The following CECR2 variants were observed in gnomAD, a reference collection of about 807,000 sequenced individuals.
CECR2 encodes chromatin remodeling regulator CECR2.
In CECR2, 30 loss-of-function variants were observed where a neutral mutation model predicts 154.5. The ratio of observed to expected loss-of-function variants is 0.19; its 90% CI spans 0.15 to 0.26. The LOEUF (loss-of-function observed/expected upper bound fraction) is 0.26, where lower values mean the gene tolerates loss of function less well. Among genes scored for constraint, CECR2 ranks in the 10% least tolerant of loss-of-function variants. The pLI, the probability that CECR2 is intolerant of heterozygous loss-of-function variation, is 1.00. For synonymous variants in CECR2, 725 were observed against 683.7 expected (o/e 1.06, Z -0.94); for missense variants, 1,743 against 1,829.3 (o/e 0.95, Z 0.86).
At chr22:17,363,233 T>A (rs2062985916) in intron 1 of CECR2, among the ~76,000 whole-genome samples, 1 of 150,066 alleles carries the variant, frequency 6.7e-6, no homozygotes, top group African/African-American at 2.4e-5. Flanking sequence ...TTTTTTTGAG[T>A]TGGGGTCTCG....
chr22:17,422,888 T>C (rs2054277849), intron 1 of CECR2, among the ~76,000 whole-genome samples: 1 of 152,144 alleles, frequency 6.6e-6, no homozygotes, highest in Admixed American at 6.6e-5. Flanking sequence ...ATCTCCCTGC[T>C]CATGCTGCCC....
intron 1 of CECR2, among the ~76,000 whole-genome samples, chr22:17,416,884 T>C (rs2054163341): frequency 6.6e-6 from 1 of 152,202 alleles, no homozygotes; most frequent in South Asian, 2.1e-4. Flanking sequence ...TTTCTCTTTC[T>C]AAATAAATAA....
At chr22:17,551,939 G>T in intron 17 of CECR2, 92 bp from the exon 18 acceptor site, 1 of 1,188,672 alleles carries the variant, frequency 8.4e-7, no homozygotes. Context: ...CCGGGGTGAT[G>T]AAGGCAGTAC....
intron 1 of CECR2, among the ~76,000 whole-genome samples, chr22:17,377,030 A>G (rs942009460): frequency 6.6e-6 from 1 of 152,184 alleles, no homozygotes; most frequent in African/African-American, 2.4e-5. Flanking sequence ...TGTGGGTTTC[A>G]GGTGCCCCAT....
At chr22:17,401,957 G>A (rs562817821) in intron 1 of CECR2, among the ~76,000 whole-genome samples, 2 of 151,936 alleles carry the variant, frequency 1.3e-5, no homozygotes, top group Admixed American at 6.6e-5. Context: ...GGGGCTACAG[G>A]TGCTCAATAC....
intron 9 of CECR2, among the ~76,000 whole-genome samples, chr22:17,536,893 G>A (rs1350102804): frequency 3.3e-5 from 5 of 152,100 alleles, no homozygotes. Flanking sequence ...TGTGAGTGAG[G>A]AAACAGGTTC....
chr22:17,418,978 C>T (rs1331476899), intron 1 of CECR2: 4 of 200,570 alleles, frequency 2.0e-5, no homozygotes, highest in South Asian at 6.9e-5. Flanking sequence ...GGCCCCGCCT[C>T]GCCTCAGGGG....
intron 16 of CECR2, among the ~76,000 whole-genome samples, chr22:17,544,015 C>T (rs1055355742): frequency 6.6e-6 from 1 of 152,208 alleles, no homozygotes; most frequent in Admixed American, 6.5e-5. Flanking sequence ...CCCAGACAGA[C>T]TAGATCCAGC....
intron 9 of CECR2, among the ~76,000 whole-genome samples, chr22:17,528,069 G>T (rs1276182894): frequency 6.6e-6 from 1 of 152,168 alleles, no homozygotes; most frequent in East Asian, 1.9e-4. Flanking sequence ...ACACCCAAAA[G>T]AAAGGAAATC....
intron 1 of CECR2, among the ~76,000 whole-genome samples, chr22:17,472,468 G>A (rs1160162970): frequency 6.6e-6 from 1 of 152,192 alleles, no homozygotes; most frequent in African/African-American, 2.4e-5. Context: ...GTCCTATACA[G>A]AAGATCTCTG....
intron 1 of CECR2, among the ~76,000 whole-genome samples, chr22:17,427,955 C>T (rs1057272403): frequency 3.9e-5 from 6 of 152,142 alleles, no homozygotes; most frequent in East Asian, 1.9e-4. Flanking sequence ...GGTGTAAAAG[C>T]TTTCCTATTT....
chr22:17,521,665 G>A (rs990151401), intron 8 of CECR2, among the ~76,000 whole-genome samples: 1 of 152,126 alleles, frequency 6.6e-6, no homozygotes, highest in Non-Finnish European at 1.5e-5. Flanking sequence ...TTTGTCAGAT[G>A]AGTAGATTGT....
chr22:17,372,495 G>C (rs1388974869), intron 1 of CECR2, among the ~76,000 whole-genome samples: 1 of 151,996 alleles, frequency 6.6e-6, no homozygotes, highest in African/African-American at 2.4e-5. Context: ...ATGAAACCCC[G>C]TTTCTACTAA....
chr22:17,539,752 A>G (rs1241841382), intron 13 of CECR2, among the ~76,000 whole-genome samples: 1 of 152,190 alleles, frequency 6.6e-6, no homozygotes, highest in African/African-American at 2.4e-5. Flanking sequence ...TGCCCTGCTT[A>G]AAAACAGCAG....
Position 17,369,605 on chromosome 22 carries a change from C to T in CECR2, c.-179C>T, listed in dbSNP as rs1189854144. The T allele has an allele frequency of 6.8e-6, 1 of 146,910 alleles. No homozygotes were observed. Among genetic ancestry groups the T allele is most frequent in the Non-Finnish European group, 1.5e-5 (1 of 65,890 alleles). 9.1% of individuals were successfully genotyped at this position (146,910 alleles called of 1,614,324 possible). On this transcript the variant is annotated 5_prime_UTR_variant, in exon 1 of 19. Transcript: ENST00000262608. ...TAGTTCGGGCCCCCGCGCCGCCGCCCCCCGCCCGGCGCCCGCCCTCGGCTC... is the reference window on the plus strand; with the variant it reads ...TAGTTCGGGCCCCCGCGCCGCCGCCTCCCGCCCGGCGCCCGCCCTCGGCTC...
At chr22:17,433,403 A>G (rs12160338) in intron 1 of CECR2, among the ~76,000 whole-genome samples, 12,115 of 152,192 alleles carry the variant, frequency 0.08, 1,020 homozygotes, top group African/African-American at 0.22. Flanking sequence ...TAAAATTAAC[A>G]TTTTAGAGTT....
intron 2 of CECR2, 47 bp from the exon 3 acceptor site, chr22:17,497,356 C>A: frequency 6.5e-7 from 1 of 1,533,884 alleles, no homozygotes; most frequent in South Asian, 1.2e-5. Flanking sequence ...TCCCAACCAA[C>A]CTATATTTTA....
At chr22:17,373,086 G>A (rs1481235135) in intron 1 of CECR2, among the ~76,000 whole-genome samples, 1 of 151,866 alleles carries the variant, frequency 6.6e-6, no homozygotes, top group Non-Finnish European at 1.5e-5. Context: ...TTTCTGAGAC[G>A]GAGTCTCACT....
rs149737237 is a variant in CECR2 at position 17,381,051 on chromosome 22, A to G, written c.126+11142A>G. 3.0e-3 allele frequency among the ~76,000 whole-genome samples: 362 copies of G among 119,992 alleles called. 1 individual carries two copies. The highest frequency in any genetic ancestry group is 0.01 in the African/African-American group (311 of 30,548). The allele number at this position is 119,992 out of a possible 152,430, so 78.7% of individuals were successfully genotyped here. On this transcript the variant is annotated intron_variant, in intron 1 of 18. Coordinates refer to ENST00000262608, the MANE Select transcript of CECR2 (RefSeq NM_001290047.2). Reference sequence around the variant, plus strand: ...TTTTAGGTGTGGGGACAATTTTTATAGCAGAGGCCTGGAGTTCTTTGTTCA... The same window carrying G: ...TTTTAGGTGTGGGGACAATTTTTATGGCAGAGGCCTGGAGTTCTTTGTTCA...
Sources: gnomAD v4.1 joint callset for allele counts (sites outside exome capture counted in the v4.1 genomes callset) on GRCh38, gnomAD v4.1.1 for gene constraint, MANE v1.5 for transcripts, NCBI Gene and HGNC (gene_info 2026-07-23, HGNC 2026-07-21) for gene names.